ACTN4: variants seen among roughly 807,000 people sequenced by gnomAD.
ACTN4 encodes the protein alpha-actinin-4.
Under a neutral mutation model 114.2 loss-of-function variants are expected in ACTN4, and 18 were observed. The observed-to-expected ratio is 0.16, with a 90% CI of 0.11 to 0.23. The LOEUF is 0.23. Ranked by LOEUF, ACTN4 falls within the 10% of genes least tolerant of loss-of-function variation. The pLI, the probability that ACTN4 is intolerant of heterozygous loss-of-function variation, is 1.00. For missense variants in ACTN4, 722 were observed against 1,262.9 expected (o/e 0.57, Z 6.49); for synonymous variants, 515 against 506.3 (o/e 1.02, Z -0.23).
At chr19:38,718,347 C>G (rs566510105) in intron 11 of ACTN4, 32 of 592,980 alleles carry the variant, frequency 5.4e-5, no homozygotes, top group African/African-American at 9.2e-5. Context: ...GGCAACATAG[C>G]GAGACCCTGC....
At chr19:38,728,100 C>G in intron 19 of ACTN4, 74 bp downstream of exon 19, 3 of 1,511,702 alleles carry the variant, frequency 2.0e-6, no homozygotes, top group Non-Finnish European at 2.7e-6. Context: ...TCTTTCTCCC[C>G]TCGCCATCCC....
intron 5 of ACTN4, among the ~76,000 whole-genome samples, chr19:38,707,815 C>T (rs923313163): frequency 6.6e-6 from 1 of 152,178 alleles, no homozygotes; most frequent in Non-Finnish European, 1.5e-5. Flanking sequence ...TCATTTAATC[C>T]GCACAACAGC....
chr19:38,720,164 C>G (rs565062489), intron 11 of ACTN4, among the ~76,000 whole-genome samples: 3 of 151,912 alleles, frequency 2.0e-5, no homozygotes, highest in Admixed American at 1.3e-4. Flanking sequence ...GGGCCACCTT[C>G]ACTCCACACC....
chr19:38,727,459 C>T lies in ACTN4; in HGVS notation c.2337+356C>T, dbSNP rs1969274714. 6.6e-6 allele frequency among the ~76,000 whole-genome samples: 1 copy of T among 152,132 alleles called. No homozygotes were observed. Among genetic ancestry groups the T allele is most frequent in the Admixed American group, 6.5e-5 (1 of 15,282 alleles). The stretch of plus-strand genomic sequence containing the variant: ...AGTGCTTTTAGAATTCAGATTTGGT[C>T]CGGCAGCCTCATCAGAGGGGCCCTG... On this transcript the variant is annotated intron_variant, in intron 18 of 20. Transcript: ENST00000252699. This position sits in a 1 kb window ranked among gnomAD's most constrained non-coding sequence, Gnocchi z 5.4.
In ACTN4 at chr19:38,731,235, C is replaced by G; in HGVS notation, c.*1803C>G. ...GTTCAGGTGGAAGCCTAGGGGGAGG[C>G]TGCTTCTGAGCCCAGTGGCCCACAG... On this transcript the variant is annotated 3_prime_UTR_variant, in exon 21 of 21. Coordinates refer to ENST00000252699, the MANE Select transcript of ACTN4 (RefSeq NM_004924.6). The G allele has an allele frequency of 6.2e-7, 1 of 1,609,512 alleles. No individual in the cohort carries two copies. The highest frequency in any genetic ancestry group is 1.1e-5 in the South Asian group (1 of 90,980).
intron 1 of ACTN4, chr19:38,648,180 G>A (rs1976446122): frequency 2.8e-6 from 1 of 352,704 alleles, no homozygotes; most frequent in Non-Finnish European, 5.1e-6. Flanking sequence ...GATTTGGAGG[G>A]TCTGGGCGTG....
At chr19:38,692,259 T>C (rs60454376) in intron 1 of ACTN4, among the ~76,000 whole-genome samples, 10,371 of 152,338 alleles carry the variant, frequency 0.068, 376 homozygotes, top group South Asian at 0.096. Context: ...TGCCCCTGGC[T>C]GGGGTTGGGT....
chr19:38,710,454 C>A, intron 8 of ACTN4, 112 bp downstream of exon 8: 2 of 1,151,186 alleles, frequency 1.7e-6, no homozygotes, highest in Non-Finnish European at 2.6e-6. Context: ...GGCCTCTCTC[C>A]AACTGGAAGC....
chr19:38,709,355 C>T, intron 6 of ACTN4, 40 bp from the exon 7 acceptor site: 1 of 1,492,280 alleles, frequency 6.7e-7, no homozygotes, highest in African/African-American at 1.4e-5. Flanking sequence ...TGCACCCTGC[C>T]CTGACGGAGT....
At chr19:38,685,263 C>T (rs1055301787) in intron 1 of ACTN4, among the ~76,000 whole-genome samples, 1 of 152,156 alleles carries the variant, frequency 6.6e-6, no homozygotes, top group Non-Finnish European at 1.5e-5. Flanking sequence ...AAATTGTGTA[C>T]CCTACACCAT....
At chr19:38,675,778 C>T (rs1967354256) in intron 1 of ACTN4, among the ~76,000 whole-genome samples, 1 of 152,178 alleles carries the variant, frequency 6.6e-6, no homozygotes, top group Non-Finnish European at 1.5e-5. Flanking sequence ...TGAGAGGCCT[C>T]ATAGAGCACA....
intron 1 of ACTN4, among the ~76,000 whole-genome samples, chr19:38,661,507 A>G (rs955461699): frequency 6.6e-6 from 1 of 152,232 alleles, no homozygotes; most frequent in Non-Finnish European, 1.5e-5. Flanking sequence ...GGTCCCATCA[A>G]GAGGCCATTT....
intron 1 of ACTN4, among the ~76,000 whole-genome samples, chr19:38,693,209 G>GGA (rs1047108830): frequency 2.0e-5 from 3 of 151,914 alleles, no homozygotes; most frequent in Non-Finnish European, 4.4e-5. Flanking sequence ...TGGTGGGTGG[G>GGA]GAGAGTGAAG....
At position 38,672,420 on chromosome 19, in the gene ACTN4, T is replaced by C. The variant is rs531466789; in HGVS notation, c.162+24513T>C. Among the ~76,000 whole-genome samples the C allele has an allele frequency of 5.4e-3, 822 of 151,502 alleles. 3 individuals carry two copies. Among genetic ancestry groups the C allele is most frequent in the Non-Finnish European group, 8.9e-3 (605 of 67,846 alleles). ...CACACCTGGCTAATTTTTGTATTTT[T>C]AGTAGAGACGTGGTTTCTCCATGTT... On this transcript the variant is annotated intron_variant, in intron 1 of 20. Transcript: ENST00000252699.
chr19:38,709,203 T>G (rs1379118295), intron 6 of ACTN4, among the ~76,000 whole-genome samples, 192 bp from the exon 7 acceptor site: 1 of 152,162 alleles, frequency 6.6e-6, no homozygotes, highest in Non-Finnish European at 1.5e-5. Flanking sequence ...CACGAGGCAC[T>G]CCTGTGAGTG....
In ACTN4 at chr19:38,731,119, T is replaced by C. The variant is rs779096128; in HGVS notation, c.*1687T>C. The C allele has an allele frequency of 6.2e-7, 1 of 1,611,280 alleles. No individual in the cohort carries two copies. The highest frequency in any genetic ancestry group is 1.3e-5 in the African/African-American group (1 of 74,582). ...GGGTGGTACTCACAGAAGATGCAGG[T>C]GAGGTGGGCCACACAGGACACGAAC... On this transcript the variant is annotated 3_prime_UTR_variant, in exon 21 of 21. Coordinates refer to ENST00000252699, the MANE Select transcript of ACTN4 (RefSeq NM_004924.6).
chr19:38,724,115 C>G lies in ACTN4; in HGVS notation c.1692+38C>G, dbSNP rs1969145738. On this transcript the variant is annotated intron_variant, in intron 14 of 20. Coordinates refer to ENST00000252699, the MANE Select transcript of ACTN4 (RefSeq NM_004924.6). The surrounding 1 kb of genome is among the most constrained non-coding windows in gnomAD (Gnocchi z 7.0). ...CGGCCCCCCATCTTCCCAAGAGCCT[C>G]TGTGGGGCTGGGCCGCCCCCTCACT... 10 of 1,613,578 alleles carry G rather than the reference C, an allele frequency of 6.2e-6. No homozygotes were observed. Among genetic ancestry groups the G allele is most frequent in the Admixed American group, 1.7e-5 (1 of 60,008 alleles).
intron 1 of ACTN4, among the ~76,000 whole-genome samples, chr19:38,650,286 A>G (rs1976521527): frequency 1.3e-5 from 2 of 151,404 alleles, no homozygotes; most frequent in Admixed American, 1.3e-4. Context: ...CTCCCTCCCG[A>G]GAGTTAGGGT....
chr19:38,689,816 G>C (rs1864546859), intron 1 of ACTN4, among the ~76,000 whole-genome samples: 1 of 152,162 alleles, frequency 6.6e-6, no homozygotes, highest in South Asian at 2.1e-4. Context: ...TGGAACTACA[G>C]GCGTGCGCCA....
Sources: allele counts gnomAD v4.1 joint callset (sites outside exome capture counted in the v4.1 genomes callset), GRCh38; gene constraint gnomAD v4.1.1; non-coding constraint Gnocchi (gnomAD v3.1); transcripts MANE v1.5; gene names NCBI Gene and HGNC (gene_info 2026-07-23, HGNC 2026-07-21).